The following LRRC37A2 variants were observed in gnomAD, a reference collection of about 807,000 sequenced individuals.
LRRC37A2 encodes leucine-rich repeat-containing protein 37A2.
A neutral mutation model predicts 68.8 loss-of-function variants in LRRC37A2; 9 were observed. The ratio of observed to expected loss-of-function variants is 0.13; its 90% CI spans 0.08 to 0.23. The LOEUF (loss-of-function observed/expected upper bound fraction) is 0.23, where lower values mean the gene tolerates loss of function less well. Ranked by LOEUF, LRRC37A2 falls within the 10% of genes least tolerant of loss-of-function variation. The pLI is 1.00. For synonymous variants in LRRC37A2, 63 were observed against 367.6 expected (o/e 0.17, Z 9.48); for missense variants, 168 against 950.4 (o/e 0.18, Z 10.82).
At chr17:46,906,827 T>C in the LRRC37A2 span, among the ~76,000 whole-genome samples, 1 of 152,042 alleles carries the variant, frequency 6.6e-6, no homozygotes, top group East Asian at 1.9e-4. Context: ...TTTTACCTAA[T>C]ATGCAATGCC....
chr17:46,896,667 C>G, the LRRC37A2 span, among the ~76,000 whole-genome samples: 2 of 152,166 alleles, frequency 1.3e-5, 1 homozygote, highest in South Asian at 4.2e-4. Context: ...CAAGCTCCAT[C>G]ATGGTCACTC....
the LRRC37A2 span, among the ~76,000 whole-genome samples, chr17:46,845,432 G>C: frequency 6.6e-6 from 1 of 151,082 alleles, no homozygotes; most frequent in Non-Finnish European, 1.5e-5. Context: ...GGACATATAT[G>C]TCACCTGACA....
At chr17:46,717,353 A>G in the LRRC37A2 span, among the ~76,000 whole-genome samples, 1 of 152,182 alleles carries the variant, frequency 6.6e-6, no homozygotes, top group Non-Finnish European at 1.5e-5. Context: ...GGGTAGTGGT[A>G]ACAAAAATAC....
the LRRC37A2 span, among the ~76,000 whole-genome samples, chr17:46,901,803 A>AATT: frequency 7.8e-6 from 1 of 128,210 alleles, no homozygotes; most frequent in East Asian, 2.2e-4. Context: ...TGGAGCAAGA[A>AATT]TTTTTTTTTT....
chr17:46,963,705 CAT>C, the LRRC37A2 span: 1 of 152,194 alleles, frequency 6.6e-6, no homozygotes, highest in African/African-American at 2.4e-5. Context: ...AGACAAAGAA[CAT>C]ATGTTCTTGA....
the LRRC37A2 span, among the ~76,000 whole-genome samples, chr17:46,983,543 C>T: frequency 2.6e-5 from 4 of 152,220 alleles, no homozygotes; most frequent in South Asian, 2.1e-4. Flanking sequence ...ATCCACCTGC[C>T]TCGGCCTCCC....
the LRRC37A2 span, chr17:46,931,991 C>G: frequency 7.6e-7 from 1 of 1,310,794 alleles, no homozygotes; most frequent in Non-Finnish European, 1.1e-6. Context: ...CGTCTTTCCT[C>G]AGTACAAAGC....
At chr17:46,763,120 G>A in the LRRC37A2 span, 1 of 152,192 alleles carries the variant, frequency 6.6e-6, no homozygotes, top group East Asian at 1.9e-4. Flanking sequence ...CACCAGCTGG[G>A]AGATCGCTGC....
At chr17:46,844,767 A>G in the LRRC37A2 span, among the ~76,000 whole-genome samples, 1 of 152,070 alleles carries the variant, frequency 6.6e-6, no homozygotes, top group African/African-American at 2.4e-5. Context: ...ATATTTTTAA[A>G]CTTCTAGTCC....
the LRRC37A2 span, among the ~76,000 whole-genome samples, chr17:46,500,675 G>A: frequency 1.3e-5 from 2 of 151,106 alleles, no homozygotes; most frequent in African/African-American, 4.9e-5. Context: ...CCCTTGTTGA[G>A]TAGCAAGGTT....
At chr17:46,767,770 TTTG>T in the LRRC37A2 span, among the ~76,000 whole-genome samples, 1 of 151,604 alleles carries the variant, frequency 6.6e-6, no homozygotes, top group Admixed American at 6.6e-5. Context: ...CACACTGAAT[TTTG>T]TTTTTTTTTG....
chr17:46,820,344 G>A, the LRRC37A2 span, among the ~76,000 whole-genome samples: 1 of 152,120 alleles, frequency 6.6e-6, no homozygotes, highest in Non-Finnish European at 1.5e-5. Context: ...TTGAAAGAGA[G>A]GAAGGAAGGG....
At chr17:46,377,671 G>A in the LRRC37A2 span, among the ~76,000 whole-genome samples, 1 of 60,736 alleles carries the variant, frequency 1.6e-5, no homozygotes, top group Non-Finnish European at 7.9e-5. Flanking sequence ...CCGGGTTCAA[G>A]CGATTCTCCC....
At chr17:46,898,733 T>C in the LRRC37A2 span, among the ~76,000 whole-genome samples, 1 of 152,214 alleles carries the variant, frequency 6.6e-6, no homozygotes, top group Admixed American at 6.5e-5. Flanking sequence ...GACAATTGCA[T>C]ATTTCAACAG....
the LRRC37A2 span, among the ~76,000 whole-genome samples, chr17:46,919,313 TC>T: frequency 5.9e-5 from 9 of 152,222 alleles, no homozygotes; most frequent in Admixed American, 5.9e-4. Context: ...GCAGTATATA[TC>T]AATTATCCAA....
At chr17:46,948,146 T>C in the LRRC37A2 span, among the ~76,000 whole-genome samples, 1 of 152,228 alleles carries the variant, frequency 6.6e-6, no homozygotes, top group African/African-American at 2.4e-5. Flanking sequence ...AGATCAGCTC[T>C]GCCCTTTAGC....
the LRRC37A2 span, among the ~76,000 whole-genome samples, chr17:46,790,113 G>T: frequency 3.9e-4 from 60 of 152,254 alleles, no homozygotes; most frequent in Non-Finnish European, 2.6e-4. Context: ...TCCAGAGCGA[G>T]CCTCAACATT....
chr17:46,872,544 C>CT, the LRRC37A2 span: 1 of 1,564,966 alleles, frequency 6.4e-7, no homozygotes, highest in Non-Finnish European at 8.7e-7. Flanking sequence ...TCCTGACGCC[C>CT]TTCCCAGGAT....
chr17:46,792,729 C>T, the LRRC37A2 span, among the ~76,000 whole-genome samples: 6 of 152,196 alleles, frequency 3.9e-5, no homozygotes, highest in Non-Finnish European at 5.9e-5. Context: ...ACCTCTGCCT[C>T]CCAAAGCGCT....
Sources: allele counts gnomAD v4.1 joint callset (sites outside exome capture counted in the v4.1 genomes callset), GRCh38; gene constraint gnomAD v4.1.1; transcripts MANE v1.5; gene names NCBI Gene and HGNC (gene_info 2026-07-23, HGNC 2026-07-21).